The following MTREX variants were observed in gnomAD, a reference collection of about 807,000 sequenced individuals.
The protein encoded by MTREX is Mtr4 exosome RNA helicase.
MTREX carries 76 observed loss-of-function variants against 135.4 expected under a neutral mutation model. The observed-to-expected ratio is 0.56, with a 90% CI of 0.47 to 0.68. MTREX has a LOEUF of 0.68. MTREX is among the 30% of genes least tolerant of loss of function. The pLI is 0.00. For synonymous variants in MTREX, 404 were observed against 401.6 expected (o/e 1.01, Z -0.07); for missense variants, 920 against 1,262.1 (o/e 0.73, Z 4.11).
At chr5:55,362,369 T>G (rs1750029289) in intron 15 of MTREX, among the ~76,000 whole-genome samples, 1 of 151,892 alleles carries the variant, frequency 6.6e-6, no homozygotes, top group Non-Finnish European at 1.5e-5. Flanking sequence ...GTTTGTTTGT[T>G]TTTTGTTTTG....
chr5:55,384,807 C>T (rs1227944958), intron 18 of MTREX, among the ~76,000 whole-genome samples: 1 of 152,158 alleles, frequency 6.6e-6, no homozygotes, highest in Non-Finnish European at 1.5e-5. Flanking sequence ...CACAGTCACC[C>T]TGAGATGACA....
chr5:55,346,260 G>T (rs2112064102), intron 10 of MTREX, among the ~76,000 whole-genome samples: 1 of 152,232 alleles, frequency 6.6e-6, no homozygotes, highest in African/African-American at 2.4e-5. Flanking sequence ...TTTCCAAAGT[G>T]GCTATACCAT....
chr5:55,335,611 C>T (rs1489107170), intron 5 of MTREX, among the ~76,000 whole-genome samples: 1 of 151,882 alleles, frequency 6.6e-6, no homozygotes, highest in East Asian at 1.9e-4. Flanking sequence ...TGTGTAGGAT[C>T]GTTTCTGGAC....
chr5:55,362,531 T>G (rs1750032383), intron 15 of MTREX, among the ~76,000 whole-genome samples: 1 of 152,068 alleles, frequency 6.6e-6, no homozygotes, highest in African/African-American at 2.4e-5. Flanking sequence ...CAGCTAATTT[T>G]TGTATTTTTA....
intron 12 of MTREX, among the ~76,000 whole-genome samples, chr5:55,350,342 T>TTTC (rs1749806675): frequency 6.6e-6 from 1 of 152,224 alleles, no homozygotes; most frequent in African/African-American, 2.4e-5. Context: ...TTCTTGCTAT[T>TTTC]TGAAAAGGGT....
chr5:55,379,308 A>T, intron 18 of MTREX, 113 bp downstream of exon 18: 1 of 609,506 alleles, frequency 1.6e-6, no homozygotes, highest in Non-Finnish European at 2.8e-6. Flanking sequence ...AAGCAGTAAT[A>T]AATTCTGCCA....
At chr5:55,379,087 T>A in intron 17 of MTREX, 40 bp from the exon 18 acceptor site, 1 of 1,413,406 alleles carries the variant, frequency 7.1e-7, no homozygotes, top group Non-Finnish European at 1.0e-6. Flanking sequence ...CTTGTAGATA[T>A]ACATTTGATT....
intron 1 of MTREX, among the ~76,000 whole-genome samples, chr5:55,310,382 C>T (rs1749091997): frequency 6.6e-6 from 1 of 152,162 alleles, no homozygotes; most frequent in South Asian, 2.1e-4. Context: ...CGGAGGCTGG[C>T]AGATCACCTG....
At position 55,415,986 on chromosome 5, in the gene MTREX, T is replaced by C. The variant is rs1579904055; in HGVS notation, c.2825T>C (p.Ile942Thr). The C allele has an allele frequency of 1.1e-5, 18 of 1,589,156 alleles. No homozygotes were observed. Among genetic ancestry groups the C allele is most frequent in the Non-Finnish European group, 1.5e-5 (17 of 1,172,282 alleles). ...TCTTTAAAGGAATGTGCTAAAAGAA[T>C]TGCAAAAGTTTCAGCAGAAGCCAAA... ...LRQMQECAKR[I>T]AKVSAEAKLE... Residue 942 changes from isoleucine to threonine, a missense_variant, in exon 25 of 27, where the codon ATT (isoleucine) becomes ACT (threonine). Transcript: ENST00000230640.
chr5:55,380,967 G>A (rs1200993963), intron 18 of MTREX, among the ~76,000 whole-genome samples: 1 of 152,170 alleles, frequency 6.6e-6, no homozygotes, highest in Non-Finnish European at 1.5e-5. Context: ...ACTTCGGCCT[G>A]TGCTCTTCTT....
chr5:55,321,330 C>T (rs1017459814), intron 1 of MTREX, among the ~76,000 whole-genome samples: 2 of 151,982 alleles, frequency 1.3e-5, no homozygotes, highest in African/African-American at 4.8e-5. Flanking sequence ...GTGCTTGTTG[C>T]CCATTTGAAT....
intron 16 of MTREX, among the ~76,000 whole-genome samples, chr5:55,369,828 G>T (rs138539824): frequency 2.6e-5 from 4 of 151,830 alleles, no homozygotes; most frequent in Admixed American, 2.6e-4. Context: ...TCACTAACCC[G>T]TGTTATTTCT....
Position 55,416,149 on chromosome 5 carries a change from C to G in MTREX, c.2971+17C>G. 6.6e-7 allele frequency: 1 copy of G among 1,525,666 alleles called. No homozygotes were observed. The highest frequency in any genetic ancestry group is 8.9e-7 in the Non-Finnish European group (1 of 1,125,168). 94.5% of individuals were successfully genotyped at this position (1,525,666 alleles called of 1,614,324 possible). A position where few individuals can be genotyped will look rare whatever the true frequency, so the allele number is the denominator to read the frequency against. ...TCTTTGAAGGTATGGTTAAATTTTACACATATATATTTACAGTATAAGAAA... is the reference window on the plus strand; with the variant it reads ...TCTTTGAAGGTATGGTTAAATTTTAGACATATATATTTACAGTATAAGAAA... On this transcript the variant is annotated intron_variant, in intron 25 of 26. Coordinates refer to ENST00000230640, the MANE Select transcript of MTREX (RefSeq NM_015360.5).
chr5:55,329,285 C>CCT (rs2112040940), intron 5 of MTREX: 1 of 152,362 alleles, frequency 6.6e-6, no homozygotes, highest in South Asian at 2.1e-4. Context: ...CCTGCCTCAG[C>CCT]CTTCCTAGTA....
intron 11 of MTREX, among the ~76,000 whole-genome samples, chr5:55,349,275 C>T (rs902490808): frequency 1.3e-5 from 2 of 151,586 alleles, no homozygotes; most frequent in African/African-American, 2.4e-5. Flanking sequence ...CAGCCTCAGC[C>T]TCCTGGGCTC....
chr5:55,367,004 A>G, intron 16 of MTREX, 129 bp downstream of exon 16: 1 of 619,574 alleles, frequency 1.6e-6, no homozygotes, highest in Non-Finnish European at 2.8e-6. Flanking sequence ...TGGACTGCAC[A>G]ACTGTAGTCT....
At chr5:55,328,084 G>A (rs1008906264) in intron 4 of MTREX, among the ~76,000 whole-genome samples, 3 of 152,108 alleles carry the variant, frequency 2.0e-5, no homozygotes, top group South Asian at 2.1e-4. Context: ...TATAGTTTTA[G>A]GGTTTTAACA....
intron 18 of MTREX, among the ~76,000 whole-genome samples, chr5:55,385,673 C>A (rs1013026349): frequency 6.6e-6 from 1 of 151,932 alleles, no homozygotes; most frequent in Non-Finnish European, 1.5e-5. Flanking sequence ...AGGACTGTTT[C>A]CAGAAAATTT....
In MTREX at chr5:55,417,345, A is replaced by C. The variant is rs371655606; in HGVS notation, c.2971+1213A>C. On this transcript the variant is annotated intron_variant, in intron 25 of 26. Transcript: ENST00000230640. ...GGTAGATATTATCTCCACTTTGCAC[A>C]AGGAGACTATGGTAAACAGTTTGGC... Among the ~76,000 whole-genome samples, 7 of 152,320 alleles carry C rather than the reference A, an allele frequency of 4.6e-5. 1 individual carries two copies. The South Asian group carries it at 1.5e-3, about 32-fold the overall frequency.
Sources: gnomAD v4.1 joint callset for allele counts (sites outside exome capture counted in the v4.1 genomes callset) on GRCh38, gnomAD v4.1.1 for gene constraint, MANE v1.5 for transcripts, NCBI Gene and HGNC (gene_info 2026-07-23, HGNC 2026-07-21) for gene names.